Variants in PLG observed in about 807,000 individuals in gnomAD.
PLG encodes plasminogen.
Under a neutral mutation model 104.4 loss-of-function variants are expected in PLG, and 41 were observed. The ratio of observed to expected loss-of-function variants is 0.39; its 90% CI spans 0.31 to 0.51. The LOEUF (loss-of-function observed/expected upper bound fraction) is 0.51. Among genes scored for constraint, PLG ranks in the 20% least tolerant of loss-of-function variants. PLG has a pLI of 0.76. For missense variants in PLG, 891 were observed against 1,003.6 expected (o/e 0.89, Z 1.52); for synonymous variants, 337 against 357.1 (o/e 0.94, Z 0.63).
intron 7 of PLG, among the ~76,000 whole-genome samples, chr6:160,717,645 T>C (rs940210682): frequency 6.6e-6 from 1 of 152,152 alleles, no homozygotes; most frequent in African/African-American, 2.4e-5. Flanking sequence ...AATTTATTCT[T>C]CAGGAAAGAG....
chr6:160,749,205 C>T lies in PLG; in HGVS notation c.2126-2910C>T, dbSNP rs61614090. On this transcript the variant is annotated intron_variant, in intron 17 of 18. Coordinates refer to ENST00000308192, the MANE Select transcript of PLG (RefSeq NM_000301.5). ...ATCTCTTTTAGCCTCAGCTTTCTCA[C>T]CTGTACCAACATATAAGGTCATTGT... Among the ~76,000 whole-genome samples, 1,454 of 152,286 alleles carry T rather than the reference C, an allele frequency of 9.5e-3. 20 individuals are homozygous for T. The highest frequency in any genetic ancestry group is 0.044 in the Middle Eastern group (13 of 294).
chr6:160,725,687 A>T lies in PLG; in HGVS notation c.1256+3120A>T, dbSNP rs1777910430. Among the ~76,000 whole-genome samples the T allele has an allele frequency of 6.6e-6, 1 of 152,174 alleles. No homozygotes were observed. Among genetic ancestry groups the T allele is most frequent in the Admixed American group, 6.5e-5 (1 of 15,268 alleles). On this transcript the variant is annotated intron_variant, in intron 10 of 18. Coordinates refer to ENST00000308192, the MANE Select transcript of PLG (RefSeq NM_000301.5). The surrounding 1 kb of genome is among the most constrained non-coding windows in gnomAD (Gnocchi z 6.3). ...GGCAGAGATTATTAAGCTGAATAAA[A>T]ATCAAAGCCCAATTATGTTCTTTTT...
chr6:160,702,995 ATGTGAG>A (rs1777448560), intron 1 of PLG, among the ~76,000 whole-genome samples: 1 of 152,210 alleles, frequency 6.6e-6, no homozygotes, highest in African/African-American at 2.4e-5. Flanking sequence ...CTGTGTGTGA[ATGTGAG>A]TGTGAGTGTG....
intron 17 of PLG, among the ~76,000 whole-genome samples, chr6:160,751,609 T>G (rs1778401242): frequency 6.6e-6 from 1 of 152,190 alleles, no homozygotes; most frequent in African/African-American, 2.4e-5. Flanking sequence ...TTCCAGAACA[T>G]TTTCCTCATT....
In PLG at chr6:160,731,670, G is replaced by A; in HGVS notation, c.1439-75G>A. ...TGATTCTGTCATCCTAGAGAAACCTGACATGACTGTATTGATTCCATATCA... is the reference window on the plus strand; with the variant it reads ...TGATTCTGTCATCCTAGAGAAACCTAACATGACTGTATTGATTCCATATCA... On this transcript the variant is annotated intron_variant, in intron 11 of 18. Transcript: ENST00000308192. This position sits in a 1 kb window ranked among gnomAD's most constrained non-coding sequence, Gnocchi z 5.1. 1.4e-6 allele frequency: 2 copies of A among 1,427,280 alleles called. No individual in the cohort carries two copies. Among genetic ancestry groups the A allele is most frequent in the South Asian group, 2.3e-5 (2 of 87,216 alleles). The allele number at this position is 1,427,280 out of a possible 1,614,324, so 88.4% of individuals were successfully genotyped here.
chr6:160,725,239 GATA>G lies in PLG; in HGVS notation c.1256+2678_1256+2680del, dbSNP rs1351654319. Among the ~76,000 whole-genome samples the G allele has an allele frequency of 1.3e-5, 2 of 151,840 alleles. No individual in the cohort carries two copies. Among genetic ancestry groups the G allele is most frequent in the Non-Finnish European group, 2.9e-5 (2 of 67,972 alleles). On this transcript the variant is annotated intron_variant, in intron 10 of 18. Coordinates refer to ENST00000308192, the MANE Select transcript of PLG (RefSeq NM_000301.5). This position sits in a 1 kb window ranked among gnomAD's most constrained non-coding sequence, Gnocchi z 6.3. Reference sequence around the variant, plus strand: ...AAACAAACAAACAAACAAACAAAAAGATAATAATTTACTACTTGAAGCAAAATG... The same window carrying G: ...AAACAAACAAACAAACAAACAAAAAGATAATTTACTACTTGAAGCAAAATG...
intron 4 of PLG, chr6:160,711,420 T>C (rs1777638985): frequency 2.7e-6 from 2 of 739,394 alleles, no homozygotes; most frequent in African/African-American, 3.6e-5. Flanking sequence ...TTTATTTGTA[T>C]TATGTTTTAT....
rs887920714 is a variant in PLG, at chr6:160,714,801, T to C, written c.555T>C (p.Cys185=). 2 of 1,613,604 alleles carry C rather than the reference T, an allele frequency of 1.2e-6. No individual in the cohort carries two copies. Among genetic ancestry groups the C allele is most frequent in the East Asian group, 2.2e-5 (1 of 44,890 alleles). ...YCDILECEEE[C]MHCSGENYDG... ...CCTTCCCACTCTGTCCAGAGGAATG[T>C]ATGCATTGCAGTGGAGAAAACTATG... Residue 185 remains cysteine (C), a synonymous_variant, in exon 6 of 19, where the codon TGT becomes TGC. Transcript: ENST00000308192.
chr6:160,751,884 C>G (rs1778408240), intron 17 of PLG, among the ~76,000 whole-genome samples: 1 of 152,112 alleles, frequency 6.6e-6, no homozygotes, highest in Non-Finnish European at 1.5e-5. Context: ...AAACAACAAC[C>G]AACCCCAAAC....
chr6:160,751,114 C>T (rs1007679283), intron 17 of PLG, among the ~76,000 whole-genome samples: 2 of 152,116 alleles, frequency 1.3e-5, no homozygotes, highest in South Asian at 2.1e-4. Context: ...TCTAGTGGCA[C>T]GGTACACTGT....
chr6:160,711,236 G>A (rs771159162), intron 4 of PLG, 45 bp downstream of exon 4: 2 of 1,572,744 alleles, frequency 1.3e-6, no homozygotes, highest in South Asian at 1.1e-5. Context: ...CTGTAAAGTT[G>A]TCCCTCTGTG....
At position 160,704,362 on chromosome 6, in the gene PLG, G is replaced by T. The variant is rs189458646; in HGVS notation, c.49+2009G>T. On this transcript the variant is annotated intron_variant, in intron 1 of 18. Transcript: ENST00000308192. ...ATGAAGCATAGTAACATAACACAGA[G>T]AACTTAATTGAAGGGGGAAATAAAT... 1.6e-3 allele frequency among the ~76,000 whole-genome samples: 250 copies of T among 152,290 alleles called. 1 individual carries two copies. The highest frequency in any genetic ancestry group is 5.7e-3 in the African/African-American group (237 of 41,578).
At chr6:160,722,637 C>A in intron 10 of PLG, 70 bp downstream of exon 10, 1 of 1,440,874 alleles carries the variant, frequency 6.9e-7, no homozygotes. Context: ...AGCCATGCTT[C>A]ATGCTTCAAG....
Position 160,714,654 on chromosome 6 carries a change from C to A in PLG, c.548-140C>A. ...TGAGTCCTTATTGCCAATTTTATTGCCAAGTGCCTGTTGTGAATTACATCG... is the reference window on the plus strand; with the variant it reads ...TGAGTCCTTATTGCCAATTTTATTGACAAGTGCCTGTTGTGAATTACATCG... On this transcript the variant is annotated intron_variant, in intron 5 of 18. Coordinates refer to ENST00000308192, the MANE Select transcript of PLG (RefSeq NM_000301.5). 7 of 676,024 alleles carry A rather than the reference C, an allele frequency of 1.0e-5. No individual in the cohort carries two copies. The South Asian group carries it at 1.3e-4, about 12-fold the overall frequency. The allele number at this position is 676,024 out of a possible 1,614,324, so 41.9% of individuals were successfully genotyped here.
In PLG at chr6:160,753,237, G is replaced by A; in HGVS notation, c.*176G>A. 6.7e-6 allele frequency: 4 copies of A among 601,278 alleles called. No homozygotes were observed. The highest frequency in any genetic ancestry group is 1.2e-5 in the Non-Finnish European group (4 of 335,392). The allele number at this position is 601,278 out of a possible 1,614,324, so 37.2% of individuals were successfully genotyped here. ...TCTGACTGCTGGATTCTGTAGTAAG[G>A]TGACATAGCTATGACATTTGTTAAA... On this transcript the variant is annotated 3_prime_UTR_variant, in exon 19 of 19. Coordinates refer to ENST00000308192, the MANE Select transcript of PLG (RefSeq NM_000301.5). This position sits in a 1 kb window ranked among gnomAD's most constrained non-coding sequence, Gnocchi z 5.4.
chr6:160,726,623 A>T lies in PLG; in HGVS notation c.1256+4056A>T, dbSNP rs1358760150. 2.0e-5 allele frequency among the ~76,000 whole-genome samples: 3 copies of T among 151,996 alleles called. No individual in the cohort carries two copies. Among genetic ancestry groups the T allele is most frequent in the African/African-American group, 2.4e-5 (1 of 41,530 alleles). ...AGATTTTATTTGCTATTTCACTTTT[A>T]TTTCCTGATAAGTGTACAGTGGAGT... is the stretch of plus-strand genomic sequence containing the variant. On this transcript the variant is annotated intron_variant, in intron 10 of 18. Coordinates refer to ENST00000308192, the MANE Select transcript of PLG (RefSeq NM_000301.5). The surrounding 1 kb of genome is among the most constrained non-coding windows in gnomAD (Gnocchi z 4.4).
chr6:160,754,013 G>T lies in PLG; in HGVS notation c.*952G>T, dbSNP rs1231579053. On this transcript the variant is annotated 3_prime_UTR_variant, in exon 19 of 19. Coordinates refer to ENST00000308192, the MANE Select transcript of PLG (RefSeq NM_000301.5). The surrounding 1 kb of genome is among the most constrained non-coding windows in gnomAD (Gnocchi z 4.9). Reference sequence around the variant, plus strand: ...AATGCAGAGAAAAGCAAAACTGCAAGTGACTGTGAATAAAGGGTGAATGTA... The same window carrying T: ...AATGCAGAGAAAAGCAAAACTGCAATTGACTGTGAATAAAGGGTGAATGTA... 6.6e-6 allele frequency among the ~76,000 whole-genome samples: 1 copy of T among 152,212 alleles called. No homozygotes were observed. The highest frequency in any genetic ancestry group is 1.5e-5 in the Non-Finnish European group (1 of 68,034).
intron 10 of PLG, among the ~76,000 whole-genome samples, chr6:160,728,560 C>T (rs79997467): frequency 0.019 from 2,868 of 152,044 alleles, 92 homozygotes; most frequent in African/African-American, 0.066. Context: ...AAAAAGTATA[C>T]AGATATAGAA....
intron 1 of PLG, among the ~76,000 whole-genome samples, chr6:160,704,763 G>A (rs1238770490): frequency 6.6e-6 from 1 of 152,186 alleles, no homozygotes; most frequent in East Asian, 1.9e-4. Context: ...CCAGAGGTGG[G>A]GAGCAGGGGG....
Sources: allele counts gnomAD v4.1 joint callset (sites outside exome capture counted in the v4.1 genomes callset), GRCh38; gene constraint gnomAD v4.1.1; non-coding constraint Gnocchi (gnomAD v3.1); transcripts MANE v1.5; gene names NCBI Gene and HGNC (gene_info 2026-07-23, HGNC 2026-07-21).